GTSF1: variants seen among roughly 807,000 people sequenced by gnomAD.
GTSF1 encodes gametocyte-specific factor 1.
A neutral mutation model predicts 28.9 loss-of-function variants in GTSF1; 11 were observed. That is an observed-to-expected ratio of 0.38 (90% CI 0.24 to 0.63). The LOEUF is 0.63. Among genes scored for constraint, GTSF1 ranks in the 30% least tolerant of loss-of-function variants. GTSF1 has a pLI of 0.56. For synonymous variants in GTSF1, 69 were observed against 65.6 expected (o/e 1.05, Z -0.25); for missense variants, 146 against 201.0 (o/e 0.73, Z 1.66).
chr12:54,457,127 A>C (rs1388943223), intron 8 of GTSF1, among the ~76,000 whole-genome samples: 1 of 152,094 alleles, frequency 6.6e-6, no homozygotes, highest in East Asian at 1.9e-4. Flanking sequence ...CCAAAACTTC[A>C]TTTTTATTAA....
At position 54,463,306 on chromosome 12, in the gene GTSF1, C is replaced by T. The variant is rs755706156; in HGVS notation, c.118-9G>A. On this transcript the variant is annotated splice_polypyrimidine_tract_variant and intron_variant, in intron 3 of 8. Coordinates refer to ENST00000305879, the MANE Select transcript of GTSF1 (RefSeq NM_144594.3). ...GCAACATCAGGATGATTCTGTGGAA[C>T]CAAAATTAAGGGATCTGTCAGTTCT... 1.2e-6 allele frequency: 2 copies of T among 1,613,460 alleles called. No individual in the cohort carries two copies. Among genetic ancestry groups the T allele is most frequent in the Admixed American group, 1.7e-5 (1 of 59,986 alleles).
At position 54,462,653 on chromosome 12, in the gene GTSF1, T is replaced by G; in HGVS notation, c.317A>C (p.Asp106Ala). ...STWQCPPCDE[D>A]WDKDLWEQTS... ...TAGAGGCAGCTCACCTTTATCCCAG[T>G]CTTCATCGCAAGGAGGGCACTGCCA... The change falls in exon 5 of 9, where the codon GAC becomes GCC. Residue 106 changes from aspartate (D) to alanine (A), a missense_variant. Coordinates refer to ENST00000305879, the MANE Select transcript of GTSF1 (RefSeq NM_144594.3). 6.2e-7 allele frequency: 1 copy of G among 1,613,528 alleles called. No homozygotes were observed. The highest frequency in any genetic ancestry group is 8.5e-7 in the Non-Finnish European group (1 of 1,179,442).
chr12:54,465,080 A>G lies in GTSF1; in HGVS notation c.104T>C (p.Ile35Thr). ...IRACRFPYHL[I>T]KCRKNHPDVA... The stretch of plus-strand genomic sequence containing the variant: ...TTATGACCCTACCTTTCTGCACTTG[A>G]TAAGATGATAAGGAAACCTGCAAGC... Residue 35 changes from isoleucine to threonine, a missense_variant, in exon 3 of 9, where the codon ATC becomes ACC. Ile to Thr is a moderately conservative substitution (Grantham distance 89). Transcript: ENST00000305879. 1 of 1,612,828 alleles carries G rather than the reference A, an allele frequency of 6.2e-7. No individual in the cohort carries two copies.
intron 2 of GTSF1, among the ~76,000 whole-genome samples, chr12:54,467,315 G>A (rs896851805): frequency 6.8e-6 from 1 of 146,048 alleles, no homozygotes; most frequent in Non-Finnish European, 1.5e-5. Context: ...TGTTTTTTTT[G>A]TTTTTTGTTT....
rs925294554 is a variant in GTSF1 at position 54,471,155 on chromosome 12, A to G, written c.16+78T>C. The G allele has an allele frequency of 2.6e-6, 3 of 1,157,506 alleles. No individual in the cohort carries two copies. The Admixed American group carries it at 8.0e-5, about 31-fold the overall frequency. 71.7% of individuals were successfully genotyped at this position (1,157,506 alleles called of 1,614,324 possible). On this transcript the variant is annotated intron_variant, in intron 2 of 8. Coordinates refer to ENST00000305879, the MANE Select transcript of GTSF1 (RefSeq NM_144594.3). Reference sequence around the variant, plus strand: ...TTGAGAAGTCCGACTTCTTCCCAGCACACTAAAAGTCTTGTCAGATATAAA... The same window carrying G: ...TTGAGAAGTCCGACTTCTTCCCAGCGCACTAAAAGTCTTGTCAGATATAAA...
chr12:54,459,319 T>G (rs1956384053), intron 7 of GTSF1, 194 bp from the exon 8 acceptor site: 1 of 1,441,896 alleles, frequency 6.9e-7, no homozygotes. Context: ...CTACCAAGCC[T>G]TTTGACATAT....
chr12:54,463,756 T>C (rs907578266), intron 3 of GTSF1, among the ~76,000 whole-genome samples: 3 of 152,204 alleles, frequency 2.0e-5, no homozygotes, highest in African/African-American at 7.2e-5. Context: ...ACAATAGTGC[T>C]GGAAAATAGC....
At chr12:54,459,248 G>T (rs933922780) in intron 7 of GTSF1, 123 bp from the exon 8 acceptor site, 5 of 1,405,960 alleles carry the variant, frequency 3.6e-6, no homozygotes, top group Admixed American at 5.6e-5. Context: ...AAAAGTAGAA[G>T]AATTTAATAT....
At chr12:54,460,259 C>A (rs1956401683) in intron 7 of GTSF1, 118 bp downstream of exon 7, 2 of 708,536 alleles carry the variant, frequency 2.8e-6, no homozygotes, top group Admixed American at 4.7e-5. Context: ...TAAGGAGGCA[C>A]TCACTTTAAG....
chr12:54,457,371 C>CAGACACCTTGTATAGCATATCA (rs1435133759), intron 8 of GTSF1, among the ~76,000 whole-genome samples: 1 of 152,208 alleles, frequency 6.6e-6, no homozygotes, highest in Non-Finnish European at 1.5e-5. Context: ...GTTTGATCGC[C>CAGACACCTTGTATAGCATATCA]AGACACCTTG....
rs1956592254 is a variant in GTSF1, at chr12:54,471,382, T to C, written c.-29-105A>G. 8 of 599,650 alleles carry C rather than the reference T, an allele frequency of 1.3e-5. No homozygotes were observed. The East Asian group carries it at 2.5e-4, about 19-fold the overall frequency. The allele number at this position is 599,650 out of a possible 1,614,324, so 37.1% of individuals were successfully genotyped here. ...TGGATTTGAAACTACCCAAGTTCAA[T>C]ATAAGAAACCTTTACTCTCCCCACT... On this transcript the variant is annotated intron_variant, in intron 1 of 8. Coordinates refer to ENST00000305879, the MANE Select transcript of GTSF1 (RefSeq NM_144594.3).
intron 2 of GTSF1, chr12:54,467,077 GTTTT>G (rs1436742510): frequency 6.6e-6 from 1 of 151,846 alleles, no homozygotes; most frequent in Non-Finnish European, 1.5e-5. Context: ...GTCTCCAAAA[GTTTT>G]TTGTTTTACT....
chr12:54,465,986 C>T (rs1956507191), intron 2 of GTSF1, among the ~76,000 whole-genome samples: 1 of 152,110 alleles, frequency 6.6e-6, no homozygotes, highest in African/African-American at 2.4e-5. Context: ...CTAGTGACTA[C>T]TACATTAGCC....
At chr12:54,461,983 C>T (rs1167222294) in intron 6 of GTSF1, 126 bp downstream of exon 6, 2 of 654,474 alleles carry the variant, frequency 3.1e-6, no homozygotes, top group Admixed American at 5.9e-5. Flanking sequence ...AAAACAATAT[C>T]TAGACTAAAC....
rs2120748295 is a variant in GTSF1, at chr12:54,462,137, C to T, written c.364G>A (p.Gly122Ser). ...TTGTTGTCAGAGTAGTGAGTTGTGC[C>T]CCAGACAAATGGGGTGCTGGTCTGC... ...WEQTSTPFVWGTTHYSDNNSP... is the reference protein window; with the variant it reads ...WEQTSTPFVWSTTHYSDNNSP... Residue 122 changes from glycine to serine, a missense_variant, in exon 6 of 9, where the codon GGC (glycine) becomes AGC (serine). Gly to Ser is a moderately conservative substitution (Grantham distance 56). Coordinates refer to ENST00000305879, the MANE Select transcript of GTSF1 (RefSeq NM_144594.3). 1 of 1,613,586 alleles carries T rather than the reference C, an allele frequency of 6.2e-7. No individual in the cohort carries two copies. Among genetic ancestry groups the T allele is most frequent in the Non-Finnish European group, 8.5e-7 (1 of 1,179,720 alleles).
At chr12:54,459,547 T>C (rs1956388110) in intron 7 of GTSF1, 6 of 879,134 alleles carry the variant, frequency 6.8e-6, no homozygotes, top group Middle Eastern at 3.5e-4. Context: ...GACGGTAATA[T>C]GATACAAATT....
chr12:54,462,569 A>G, intron 5 of GTSF1, 73 bp downstream of exon 5: 1 of 1,286,890 alleles, frequency 7.8e-7, no homozygotes, highest in Non-Finnish European at 1.1e-6. Context: ...AAAAAAGGAA[A>G]ATCTTCCTTC....
intron 8 of GTSF1, among the ~76,000 whole-genome samples, chr12:54,458,152 C>T (rs1407236631): frequency 1.3e-5 from 2 of 152,156 alleles, no homozygotes; most frequent in Non-Finnish European, 2.9e-5. Flanking sequence ...TTCCCTTTGC[C>T]AGAAGCAATG....
At chr12:54,456,666 T>G (rs1314331533) in intron 8 of GTSF1, among the ~76,000 whole-genome samples, 1 of 152,176 alleles carries the variant, frequency 6.6e-6, no homozygotes, top group Non-Finnish European at 1.5e-5. Context: ...AACAAACCCT[T>G]GTCATGTATG....
Sources: gnomAD v4.1 joint callset for allele counts (sites outside exome capture counted in the v4.1 genomes callset) on GRCh38, gnomAD v4.1.1 for gene constraint, MANE v1.5 for transcripts, NCBI Gene and HGNC (gene_info 2026-07-23, HGNC 2026-07-21) for gene names.